CSMD1: variants seen among roughly 807,000 people sequenced by gnomAD.
CSMD1 encodes the protein CUB and Sushi multiple domains 1.
Under a neutral mutation model 417.5 loss-of-function variants are expected in CSMD1, and 213 were observed. The observed-to-expected ratio is 0.51, with a 90% CI of 0.46 to 0.57. CSMD1 has a LOEUF of 0.57. CSMD1 is among the 20% of genes least tolerant of loss of function. The pLI is 0.00. For missense variants in CSMD1, 6,923 were observed against 4,529.7 expected (o/e 1.53, Z -15.17); for synonymous variants, 2,862 against 1,736.8 (o/e 1.65, Z -16.11).
At chr8:3,712,098 A>G (rs970736017) in intron 6 of CSMD1, among the ~76,000 whole-genome samples, 1 of 152,220 alleles carries the variant, frequency 6.6e-6, no homozygotes, top group African/African-American at 2.4e-5. Context: ...TTATTTTTCA[A>G]CAAGACAGTG....
At chr8:3,195,046 TAC>T (rs1796627321) in intron 33 of CSMD1, among the ~76,000 whole-genome samples, 1 of 152,224 alleles carries the variant, frequency 6.6e-6, no homozygotes, top group African/African-American at 2.4e-5. Flanking sequence ...CCTTGCAGTT[TAC>T]TCATTTTGGT....
At chr8:3,482,281 A>G (rs929515244) in intron 11 of CSMD1, among the ~76,000 whole-genome samples, 2 of 152,152 alleles carry the variant, frequency 1.3e-5, no homozygotes, top group Admixed American at 6.6e-5. Flanking sequence ...GGCTTAAAAT[A>G]TATGTCAAAA....
At position 2,937,969 on chromosome 8, in the gene CSMD1, C is replaced by A. The variant is rs1396984060; in HGVS notation, c.*616G>T. On this transcript the variant is annotated 3_prime_UTR_variant, in exon 70 of 70. Coordinates refer to ENST00000635120, the MANE Select transcript of CSMD1 (RefSeq NM_033225.6). ...CATTAAACATTCTGCGACAGAACAG[C>A]TGACTGGGAAATTGCAAACATCCCT... 6.6e-6 allele frequency: 1 copy of A among 152,616 alleles called. No homozygotes were observed. The highest frequency in any genetic ancestry group is 1.5e-5 in the Non-Finnish European group (1 of 68,060). 9.5% of individuals were successfully genotyped at this position (152,616 alleles called of 1,614,324 possible). A position where few individuals can be genotyped will look rare whatever the true frequency, so the allele number is the denominator to read the frequency against.
intron 5 of CSMD1, among the ~76,000 whole-genome samples, chr8:3,852,584 C>A (rs746325108): frequency 6.6e-6 from 1 of 152,134 alleles, no homozygotes; most frequent in Non-Finnish European, 1.5e-5. Flanking sequence ...AGAGGACTTA[C>A]TCGTGTCAGC....
At chr8:4,935,258 A>T (rs1807533414) in intron 1 of CSMD1, among the ~76,000 whole-genome samples, 1 of 152,098 alleles carries the variant, frequency 6.6e-6, no homozygotes, top group African/African-American at 2.4e-5. Flanking sequence ...TTTCTTCTTC[A>T]GTTAGATATC....
intron 5 of CSMD1, among the ~76,000 whole-genome samples, chr8:3,834,829 G>A (rs1019582840): frequency 5.3e-5 from 8 of 151,902 alleles, no homozygotes; most frequent in East Asian, 1.9e-4. Flanking sequence ...CTGACAAAGG[G>A]CTAATATCCA....
At chr8:4,917,660 T>TAAA (rs1806161808) in intron 1 of CSMD1, among the ~76,000 whole-genome samples, 1 of 150,480 alleles carries the variant, frequency 6.6e-6, no homozygotes, top group Non-Finnish European at 1.5e-5. Flanking sequence ...TGAAATAAAA[T>TAAA]AAAAAATAAA....
chr8:3,923,270 G>C (rs974976692), intron 5 of CSMD1, among the ~76,000 whole-genome samples: 4 of 152,132 alleles, frequency 2.6e-5, no homozygotes, highest in African/African-American at 7.2e-5. Context: ...TGGAGTGTCT[G>C]ACTCTGGAGC....
intron 3 of CSMD1, among the ~76,000 whole-genome samples, chr8:4,168,408 A>T (rs1478674414): frequency 6.6e-6 from 1 of 151,890 alleles, no homozygotes; most frequent in Non-Finnish European, 1.5e-5. Flanking sequence ...CTCTCAATAT[A>T]TATTTTACAT....
chr8:3,455,810 C>G (rs897014466), intron 12 of CSMD1, among the ~76,000 whole-genome samples: 1 of 152,200 alleles, frequency 6.6e-6, no homozygotes, highest in Non-Finnish European at 1.5e-5. Context: ...AAGCTGCATG[C>G]TGGGAGAACC....
At chr8:3,627,279 T>C (rs1031872697) in intron 7 of CSMD1, among the ~76,000 whole-genome samples, 2 of 152,148 alleles carry the variant, frequency 1.3e-5, no homozygotes, top group Non-Finnish European at 2.9e-5. Flanking sequence ...ATTTTGAAAA[T>C]ACCTAGCTGC....
chr8:3,082,618 A>G (rs1443628203), intron 49 of CSMD1, among the ~76,000 whole-genome samples: 1 of 152,228 alleles, frequency 6.6e-6, no homozygotes, highest in Non-Finnish European at 1.5e-5. Context: ...CTAAGTCTGA[A>G]TTGAAAAGAA....
intron 10 of CSMD1, among the ~76,000 whole-genome samples, chr8:3,524,421 C>A (rs1273365997): frequency 1.4e-5 from 2 of 141,596 alleles, no homozygotes; most frequent in African/African-American, 5.3e-5. Context: ...GCACACACAA[C>A]CAGACACATC....
chr8:3,580,958 C>T (rs896868003), intron 9 of CSMD1, among the ~76,000 whole-genome samples: 3 of 152,164 alleles, frequency 2.0e-5, no homozygotes, highest in African/African-American at 7.2e-5. Flanking sequence ...GAAATTCCAA[C>T]GCAATAATAA....
At chr8:3,679,061 A>G (rs1161472614) in intron 7 of CSMD1, among the ~76,000 whole-genome samples, 2 of 152,302 alleles carry the variant, frequency 1.3e-5, no homozygotes, top group East Asian at 3.9e-4. Flanking sequence ...AACAACTGGT[A>G]CTAGCCACTG....
chr8:4,456,597 G>T lies in CSMD1; in HGVS notation c.303-36532C>A, dbSNP rs1799503177. Among the ~76,000 whole-genome samples, 4 of 152,196 alleles carry T rather than the reference G, an allele frequency of 2.6e-5. No homozygotes were observed. In the South Asian group the frequency reaches 8.3e-4, roughly 32 times the overall value. On this transcript the variant is annotated intron_variant, in intron 2 of 69. Transcript: ENST00000635120. ...TGTCTTCTCACAAACACGGCTGTAG[G>T]GATAGAAGAGTAGAGGCAATATTAA...
intron 3 of CSMD1, among the ~76,000 whole-genome samples, chr8:4,339,765 A>C (rs1222987494): frequency 6.6e-6 from 1 of 152,132 alleles, no homozygotes; most frequent in African/African-American, 2.4e-5. Flanking sequence ...GGCTTACACC[A>C]AAAATCCTAA....
intron 5 of CSMD1, among the ~76,000 whole-genome samples, chr8:3,799,420 T>C (rs1585017558): frequency 8.9e-6 from 1 of 112,530 alleles, no homozygotes; most frequent in Non-Finnish European, 1.7e-5. Context: ...CGACAGGCCT[T>C]AGTGTGTGAT....
At chr8:4,879,226 G>A (rs1025563721) in intron 1 of CSMD1, among the ~76,000 whole-genome samples, 2 of 151,976 alleles carry the variant, frequency 1.3e-5, no homozygotes, top group African/African-American at 4.8e-5. Flanking sequence ...TCATGAACAG[G>A]GACAAGGACA....
Sources: gnomAD v4.1 joint callset for allele counts (sites outside exome capture counted in the v4.1 genomes callset) on GRCh38, gnomAD v4.1.1 for gene constraint, MANE v1.5 for transcripts, NCBI Gene and HGNC (gene_info 2026-07-23, HGNC 2026-07-21) for gene names.